The following SEPTIN11 variants were observed in gnomAD, a reference collection of about 807,000 sequenced individuals.
SEPTIN11 encodes septin-11.
In SEPTIN11, 25 loss-of-function variants were observed where a neutral mutation model predicts 51.4. The observed-to-expected ratio is 0.49, with a 90% CI of 0.35 to 0.68. The LOEUF is 0.68. Among genes scored for constraint, SEPTIN11 ranks in the 30% least tolerant of loss-of-function variants. The pLI, the probability that SEPTIN11 is intolerant of heterozygous loss-of-function variation, is 0.00. For synonymous variants in SEPTIN11, 174 were observed against 184.1 expected (o/e 0.95, Z 0.44); for missense variants, 381 against 520.8 (o/e 0.73, Z 2.61).
At position 77,014,664 on chromosome 4, in the gene SEPTIN11, A is replaced by ACC. The variant is rs1180801419; in HGVS notation, c.526-192_526-191insCC. Among the ~76,000 whole-genome samples the ACC allele has an allele frequency of 4.2e-3, 632 of 150,090 alleles. 5 individuals carry two copies. The highest frequency in any genetic ancestry group is 0.015 in the African/African-American group (597 of 41,148). On this transcript the variant is annotated intron_variant, in intron 4 of 9. Transcript: ENST00000264893. ...ATTTTCATTATCATCTCTACCCCAAAAAAAAAAAAAATTGTAGGTACATAG... is the reference window on the plus strand; with the variant it reads ...ATTTTCATTATCATCTCTACCCCAAACCAAAAAAAAAAATTGTAGGTACATAG...
chr4:77,031,028 GTCTCTACTT>G, intron 9 of SEPTIN11, 58 bp downstream of exon 9: 1 of 1,477,822 alleles, frequency 6.8e-7, no homozygotes, highest in Non-Finnish European at 9.1e-7. Context: ...CCTCTTGCAT[GTCTCTACTT>G]TTCCCATTTA....
chr4:77,035,585 G>A lies in SEPTIN11; in HGVS notation c.*1073G>A. 1.0e-6 allele frequency: 1 copy of A among 985,394 alleles called. No homozygotes were observed. The highest frequency in any genetic ancestry group is 1.1e-4 in the East Asian group (1 of 8,808). 61.0% of individuals were successfully genotyped at this position (985,394 alleles called of 1,614,324 possible). On this transcript the variant is annotated 3_prime_UTR_variant, in exon 10 of 10. Transcript: ENST00000264893. Reference sequence around the variant, plus strand: ...CACAACATGACCCGTAAGTCAAGAAGGTAGACATTTCATATCCAGCTTCCT... The same window carrying A: ...CACAACATGACCCGTAAGTCAAGAAAGTAGACATTTCATATCCAGCTTCCT...
At chr4:76,973,073 G>A (rs1328163667) in intron 1 of SEPTIN11, 2 of 152,168 alleles carry the variant, frequency 1.3e-5, no homozygotes, top group Non-Finnish European at 2.9e-5. Flanking sequence ...ACCGGGTGGT[G>A]AGTAGTTGAA....
intron 4 of SEPTIN11, among the ~76,000 whole-genome samples, chr4:77,012,897 T>TAG (rs1305985585): frequency 2.6e-5 from 4 of 152,206 alleles, no homozygotes; most frequent in Non-Finnish European, 5.9e-5. Flanking sequence ...TCACTGCAGC[T>TAG]AGAGTACTCT....
chr4:76,998,578 AG>A (rs780659953), intron 2 of SEPTIN11, among the ~76,000 whole-genome samples: 10 of 152,188 alleles, frequency 6.6e-5, no homozygotes, highest in Non-Finnish European at 1.5e-4. Flanking sequence ...AGAGAATTGC[AG>A]AAATACAGCT....
rs1725289673 is a variant in SEPTIN11, at chr4:77,016,633, C to CATATATACACATATATATAT, written c.687+1623_687+1624insCACATATATATATATATATA. ...ATATACACATATATATATATATACA[C>CATATATACACATATATATAT]ATATATATATATATATATATATACA... On this transcript the variant is annotated intron_variant, in intron 5 of 9. Transcript: ENST00000264893. Among the ~76,000 whole-genome samples, 39 of 72,748 alleles carry CATATATACACATATATATAT rather than the reference C, an allele frequency of 5.4e-4. No homozygotes were observed. In the Admixed American group the frequency reaches 5.5e-3, roughly 10 times the overall value. The allele number at this position is 72,748 out of a possible 152,430, so 47.7% of individuals were successfully genotyped here. A position where few individuals can be genotyped will look rare whatever the true frequency, so the allele number is the denominator to read the frequency against.
In SEPTIN11 at chr4:77,030,527, G is replaced by C. The variant is rs1306508183; in HGVS notation, c.1087-256G>C. Among the ~76,000 whole-genome samples the C allele has an allele frequency of 2.0e-5, 3 of 152,208 alleles. No individual in the cohort carries two copies. The East Asian group carries it at 5.8e-4, about 30-fold the overall frequency. On this transcript the variant is annotated intron_variant, in intron 8 of 9. Transcript: ENST00000264893. ...ATTCTCTGCCTCAGCCTCTTGAGTA[G>C]CAGGGATTACAGGCACCCGCCACCA...
At chr4:77,021,237 G>A (rs6818075) in intron 7 of SEPTIN11, 18,220 of 152,446 alleles carry the variant, frequency 0.12, 1,237 homozygotes, top group South Asian at 0.18. Context: ...CTGACGGGTG[G>A]AGACGCAAAA....
chr4:76,979,250 A>G (rs1450203788), intron 1 of SEPTIN11, among the ~76,000 whole-genome samples: 1 of 152,202 alleles, frequency 6.6e-6, no homozygotes, highest in Non-Finnish European at 1.5e-5. Context: ...CAAGGACCCA[A>G]ATAGAGTGGA....
intron 1 of SEPTIN11, among the ~76,000 whole-genome samples, chr4:76,952,418 G>A (rs971017382): frequency 1.9e-4 from 29 of 152,014 alleles, no homozygotes; most frequent in South Asian, 6.2e-4. Context: ...ACCTCTCCCC[G>A]CCAGACTGAA....
In SEPTIN11 at chr4:77,030,854, G is replaced by A; in HGVS notation, c.1158G>A (p.Lys386=). 3 of 1,613,612 alleles carry A rather than the reference G, an allele frequency of 1.9e-6. No homozygotes were observed. The highest frequency in any genetic ancestry group is 2.5e-6 in the Non-Finnish European group (3 of 1,179,908). ...AGAAGAAAGTGGAAGACAAGAAGAA[G>A]GAGCTTGAGGAGGAGGTGAACAACT... ...EEKKKVEDKK[K]ELEEEVNNFQ... is the part of the protein sequence containing the mutation. Residue 386 remains lysine (K), a synonymous_variant, in exon 9 of 10, where the codon AAG becomes AAA. Coordinates refer to ENST00000264893, the MANE Select transcript of SEPTIN11 (RefSeq NM_018243.4).
At chr4:77,025,732 A>T (rs963328928) in intron 7 of SEPTIN11, among the ~76,000 whole-genome samples, 8 of 152,178 alleles carry the variant, frequency 5.3e-5, no homozygotes, top group African/African-American at 1.9e-4. Context: ...ATTTGTAAGT[A>T]ACTAATTACA....
At chr4:76,990,500 G>A (rs1375484996) in intron 1 of SEPTIN11, among the ~76,000 whole-genome samples, 1 of 152,170 alleles carries the variant, frequency 6.6e-6, no homozygotes, top group East Asian at 1.9e-4. Context: ...GGCGAGTGAT[G>A]GGCTAGTCAG....
chr4:77,011,897 C>T lies in SEPTIN11; in HGVS notation c.501C>T (p.Val167=). 1 of 1,613,924 alleles carries T rather than the reference C, an allele frequency of 6.2e-7. No homozygotes were observed. Among genetic ancestry groups the T allele is most frequent in the Non-Finnish European group, 8.5e-7 (1 of 1,179,888 alleles). The change falls in exon 4 of 10, where the codon GTC becomes GTT. Residue 167 remains valine, a synonymous_variant. Transcript: ENST00000264893. Reference sequence around the variant, plus strand: ...ATTCACTAAAGTCCCTGGATCTGGTCACCATGAAAAAGCTGGACAGTAAGG... The same window carrying T: ...ATTCACTAAAGTCCCTGGATCTGGTTACCATGAAAAAGCTGGACAGTAAGG... ...TGHSLKSLDL[V]TMKKLDSKVN...
chr4:76,995,360 G>A (rs1278676873), intron 1 of SEPTIN11, among the ~76,000 whole-genome samples: 2 of 149,394 alleles, frequency 1.3e-5, no homozygotes, highest in African/African-American at 2.5e-5. Context: ...CCAACCTGGC[G>A]ACAGAGTGAG....
chr4:76,991,208 T>C (rs188154402), intron 1 of SEPTIN11, among the ~76,000 whole-genome samples: 59 of 152,348 alleles, frequency 3.9e-4, no homozygotes, highest in African/African-American at 1.4e-3. Flanking sequence ...TGTTAAGTGC[T>C]AGGCACTCTC....
At chr4:77,034,386 C>G in intron 9 of SEPTIN11, 111 bp from the exon 10 acceptor site, 1 of 942,054 alleles carries the variant, frequency 1.1e-6, no homozygotes, top group South Asian at 2.8e-5. Context: ...ATTCCATAAT[C>G]ATTGCATGAG....
chr4:76,977,144 T>C (rs1381894147), intron 1 of SEPTIN11, among the ~76,000 whole-genome samples: 1 of 152,132 alleles, frequency 6.6e-6, no homozygotes, highest in Non-Finnish European at 1.5e-5. Flanking sequence ...TGGCAGTAAA[T>C]AATATGTGAC....
chr4:76,949,847 G>A lies in SEPTIN11; in HGVS notation c.-57G>A. Reference sequence around the variant, plus strand: ...GCGAGCCGGAGCCCGAGCACTAGCAGCAGCCGGAGTCGGCGTAAAGCACCC... The same window carrying A: ...GCGAGCCGGAGCCCGAGCACTAGCAACAGCCGGAGTCGGCGTAAAGCACCC... On this transcript the variant is annotated 5_prime_UTR_variant, in exon 1 of 10. Transcript: ENST00000264893. 1.3e-6 allele frequency: 2 copies of A among 1,500,548 alleles called. No individual in the cohort carries two copies. The highest frequency in any genetic ancestry group is 1.8e-6 in the Non-Finnish European group (2 of 1,126,448). 93.0% of individuals were successfully genotyped at this position (1,500,548 alleles called of 1,614,324 possible).
Sources: gnomAD v4.1 joint callset for allele counts (sites outside exome capture counted in the v4.1 genomes callset) on GRCh38, gnomAD v4.1.1 for gene constraint, MANE v1.5 for transcripts, NCBI Gene and HGNC (gene_info 2026-07-23, HGNC 2026-07-21) for gene names.